SERF2: variants seen among roughly 807,000 people sequenced by gnomAD.
SERF2 encodes the protein small EDRK-rich factor 2, also known as gastric cancer-related protein VRG107.
In SERF2, 4 loss-of-function variants were observed where a neutral mutation model predicts 10.7. The ratio of observed to expected loss-of-function variants is 0.37; its 90% confidence interval spans 0.18 to 0.86. The LOEUF (loss-of-function observed/expected upper bound fraction) is 0.86, where lower values mean the gene tolerates loss of function less well. SERF2 is among the 40% of genes least tolerant of loss of function. The pLI is 0.43. For synonymous variants in SERF2, 26 were observed against 26.0 expected (o/e 1.00, Z 0.01); for missense variants, 47 against 79.1 (o/e 0.59, Z 1.54).
chr15:43,777,259 TGAATTTG>T, exon 1 of SERF2: 1 of 454,136 alleles, frequency 2.2e-6, no homozygotes, highest in Admixed American at 2.7e-5. Context: ...CCAGCGACCC[TGAATTTG>T]GAGTTGCTGT....
In SERF2 at chr15:43,794,150, A is replaced by T. The variant is rs935650238; in HGVS notation, c.*377A>T. 5.0e-6 allele frequency: 3 copies of T among 602,880 alleles called. No individual in the cohort carries two copies. In the African/African-American group the frequency reaches 5.6e-5, roughly 11 times the overall value. The allele number at this position is 602,880 out of a possible 1,614,324, so 37.3% of individuals were successfully genotyped here. A position where few individuals can be genotyped will look rare whatever the true frequency, so the allele number is the denominator to read the frequency against. The stretch of plus-strand genomic sequence containing the variant: ...AACTCTTTAGATTCAGATTGTGGGT[A>T]TGTAGACTTAATAAGTGAAACATCA... On this transcript the variant is annotated 3_prime_UTR_variant, in exon 3 of 3. Transcript: ENST00000249786.
rs1300783783 is a variant in SERF2 at position 43,795,119 on chromosome 15, A to G, written c.*1346A>G. 6.2e-7 allele frequency: 1 copy of G among 1,614,086 alleles called. No homozygotes were observed. Among genetic ancestry groups the G allele is most frequent in the East Asian group, 2.2e-5 (1 of 44,892 alleles). On this transcript the variant is annotated 3_prime_UTR_variant, in exon 3 of 3. Coordinates refer to ENST00000249786, the MANE Select transcript of SERF2 (RefSeq NM_001018108.4). Reference sequence around the variant, plus strand: ...AGTGGTGCCAGTAACAGCCCCAGATAGAGGAGTACGCAGGCCCAGCATGAG... The same window carrying G: ...AGTGGTGCCAGTAACAGCCCCAGATGGAGGAGTACGCAGGCCCAGCATGAG...
Position 43,795,238 on chromosome 15 carries a change from G to A in SERF2, c.*1465G>A. 1.2e-6 allele frequency: 2 copies of A among 1,610,118 alleles called. No individual in the cohort carries two copies. The highest frequency in any genetic ancestry group is 1.7e-6 in the Non-Finnish European group (2 of 1,176,418). ...GCTGTGTAACCAAAGGCTCTGGTTA[G>A]AGAATATGAAGGGCCTTAGCTTTTA... On this transcript the variant is annotated 3_prime_UTR_variant, in exon 3 of 3. Coordinates refer to ENST00000249786, the MANE Select transcript of SERF2 (RefSeq NM_001018108.4).
upstream of SERF2, among the ~76,000 whole-genome samples, chr15:43,789,226 A>C (rs2087033132): frequency 6.6e-6 from 1 of 151,968 alleles, no homozygotes; most frequent in Non-Finnish European, 1.5e-5. Flanking sequence ...TTATATTAGC[A>C]GTAGTAACTT....
rs2087188929 is a variant in SERF2, at chr15:43,795,469, A to C, written c.*1696A>C. On this transcript the variant is annotated 3_prime_UTR_variant, in exon 3 of 3. Coordinates refer to ENST00000249786, the MANE Select transcript of SERF2 (RefSeq NM_001018108.4). ...GTGGAAGGCAGAATAGTTGTAGGAA[A>C]GATGCTGGACTTGGACTGGAGGAGC... is the stretch of plus-strand genomic sequence containing the variant. 6.2e-7 allele frequency: 1 copy of C among 1,614,098 alleles called. No homozygotes were observed. Among genetic ancestry groups the C allele is most frequent in the Non-Finnish European group, 8.5e-7 (1 of 1,180,038 alleles).
Position 43,795,667 on chromosome 15 carries a change from G to A in SERF2, c.*1894G>A. On this transcript the variant is annotated 3_prime_UTR_variant, in exon 3 of 3. Transcript: ENST00000249786. ...TCCACAGAGATCTACCACTTCTTAT[G>A]GTTCCTCACTTGGCACTCACCTTTG... is the stretch of plus-strand genomic sequence containing the variant. 2 of 1,613,496 alleles carry A rather than the reference G, an allele frequency of 1.2e-6. No individual in the cohort carries two copies. The highest frequency in any genetic ancestry group is 1.7e-6 in the Non-Finnish European group (2 of 1,179,518).
At chr15:43,785,949 GCCC>G (rs1596034583) in intron 2 of SERF2, among the ~76,000 whole-genome samples, 2 of 151,300 alleles carry the variant, frequency 1.3e-5, no homozygotes, top group East Asian at 2.0e-4. Flanking sequence ...CAAGTGATCT[GCCC>G]GTCTCGGCCT....
upstream of SERF2, among the ~76,000 whole-genome samples, chr15:43,789,448 T>A (rs1203056441): frequency 6.6e-6 from 1 of 152,184 alleles, no homozygotes; most frequent in Non-Finnish European, 1.5e-5. Context: ...ATTTCTCATC[T>A]TTTTGCTTTA....
At chr15:43,789,953 C>T (rs149460283), upstream of SERF2, among the ~76,000 whole-genome samples, 1,843 of 152,098 alleles carry the variant, frequency 0.012, 34 homozygotes, top group African/African-American at 0.042. Context: ...CCAGCCTGAC[C>T]AACATGGTTA....
chr15:43,789,138 G>GA (rs1469928894), upstream of SERF2, among the ~76,000 whole-genome samples: 2 of 145,916 alleles, frequency 1.4e-5, no homozygotes, highest in African/African-American at 5.2e-5. Flanking sequence ...GACAGAGTGA[G>GA]ACTCTGTCTA....
Position 43,793,798 on chromosome 15 carries a change from C to T in SERF2, c.*25C>T. Reference sequence around the variant, plus strand: ...GCTTTGTGGCTTCGTGTCCAACCCTCTTGCCCTTCGCCTGTGTGCCTGGAG... The same window carrying T: ...GCTTTGTGGCTTCGTGTCCAACCCTTTTGCCCTTCGCCTGTGTGCCTGGAG... On this transcript the variant is annotated 3_prime_UTR_variant, in exon 3 of 3. Transcript: ENST00000249786. 1 of 1,614,212 alleles carries T rather than the reference C, an allele frequency of 6.2e-7. No homozygotes were observed. Among genetic ancestry groups the T allele is most frequent in the South Asian group, 1.1e-5 (1 of 91,088 alleles).
chr15:43,782,746 T>G (rs2086974275), intron 1 of SERF2, among the ~76,000 whole-genome samples: 1 of 152,178 alleles, frequency 6.6e-6, no homozygotes. Context: ...CTCATTTTGG[T>G]GCAAAGCCTC....
chr15:43,790,415 A>C (rs1645451571), upstream of SERF2, among the ~76,000 whole-genome samples: 1 of 152,070 alleles, frequency 6.6e-6, no homozygotes, highest in South Asian at 2.1e-4. Context: ...AGTGTGAGAG[A>C]GCTTTTTTCT....
Position 43,792,322 on chromosome 15 carries a change from C to A in SERF2, c.-55C>A. ...TTGCCAGAAGGGGCGGGACCTGCAACGTCCGACAGAACGAGGGGACGTAAC... is the reference window on the plus strand; with the variant it reads ...TTGCCAGAAGGGGCGGGACCTGCAAAGTCCGACAGAACGAGGGGACGTAAC... On this transcript the variant is annotated 5_prime_UTR_variant, in exon 1 of 3. Transcript: ENST00000249786. The A allele has an allele frequency of 6.8e-7, 1 of 1,464,064 alleles. No homozygotes were observed. Among genetic ancestry groups the A allele is most frequent in the Non-Finnish European group, 9.6e-7 (1 of 1,043,156 alleles). 90.7% of individuals were successfully genotyped at this position (1,464,064 alleles called of 1,614,324 possible).
chr15:43,794,249 C>T lies in SERF2; in HGVS notation c.*476C>T, dbSNP rs143742358. Reference sequence around the variant, plus strand: ...ATGCAGTAGAGGAATCCTCTAAGAACCATAGAGACTTCTTTTCTGTGATTT... The same window carrying T: ...ATGCAGTAGAGGAATCCTCTAAGAATCATAGAGACTTCTTTTCTGTGATTT... On this transcript the variant is annotated 3_prime_UTR_variant, in exon 3 of 3. Coordinates refer to ENST00000249786, the MANE Select transcript of SERF2 (RefSeq NM_001018108.4). 2,559 of 388,790 alleles carry T rather than the reference C, an allele frequency of 6.6e-3. 161 individuals carry two copies. In the Admixed American group the frequency reaches 0.093, roughly 14 times the overall value. 24.1% of individuals were successfully genotyped at this position (388,790 alleles called of 1,614,324 possible). A position where few individuals can be genotyped will look rare whatever the true frequency, so the allele number is the denominator to read the frequency against.
intron 1 of SERF2, among the ~76,000 whole-genome samples, chr15:43,779,660 T>C (rs2086950069): frequency 6.6e-6 from 1 of 151,954 alleles, no homozygotes; most frequent in African/African-American, 2.4e-5. Flanking sequence ...CCTAGCAATT[T>C]TTTAAATTTT....
In SERF2 at chr15:43,795,380, C is replaced by T; in HGVS notation, c.*1607C>T. ...TCAGGAGAGTATCTAAGGCCCACTCCATCTTACCTGAACCAGTTGGTAAGG... is the reference window on the plus strand; with the variant it reads ...TCAGGAGAGTATCTAAGGCCCACTCTATCTTACCTGAACCAGTTGGTAAGG... On this transcript the variant is annotated 3_prime_UTR_variant, in exon 3 of 3. Transcript: ENST00000249786. The T allele has an allele frequency of 4.3e-6, 7 of 1,614,122 alleles. No homozygotes were observed. The highest frequency in any genetic ancestry group is 5.1e-6 in the Non-Finnish European group (6 of 1,179,974).
chr15:43,794,024 T>C lies in SERF2; in HGVS notation c.*251T>C. On this transcript the variant is annotated 3_prime_UTR_variant, in exon 3 of 3. Coordinates refer to ENST00000249786, the MANE Select transcript of SERF2 (RefSeq NM_001018108.4). ...TATTCCTGTGGGGCTCACCCCAAAG[T>C]ATTAAAAGTAGCTTTGTAATTCCTT... 4 of 1,426,070 alleles carry C rather than the reference T, an allele frequency of 2.8e-6. No homozygotes were observed. Among genetic ancestry groups the C allele is most frequent in the Non-Finnish European group, 3.7e-6 (4 of 1,084,522 alleles). 88.3% of individuals were successfully genotyped at this position (1,426,070 alleles called of 1,614,324 possible).
In SERF2 at chr15:43,781,418, G is replaced by A. The variant is rs183543220; in HGVS notation, c.-527+3916G>A. Among the ~76,000 whole-genome samples, 347 of 151,882 alleles carry A rather than the reference G, an allele frequency of 2.3e-3. 6 individuals are homozygous for A. Among genetic ancestry groups the A allele is most frequent in the Admixed American group, 0.021 (314 of 15,232 alleles). On this transcript the variant is annotated intron_variant, in intron 1 of 4. Transcript: ENST00000381359. Reference sequence around the variant, plus strand: ...AAAAACACAAAAATTAGCTGGGAGCGGTGACTAATTTTAGTCCCAGCTACT... The same window carrying A: ...AAAAACACAAAAATTAGCTGGGAGCAGTGACTAATTTTAGTCCCAGCTACT...
Sources: gnomAD v4.1 joint callset for allele counts (sites outside exome capture counted in the v4.1 genomes callset) on GRCh38, gnomAD v4.1.1 for gene constraint, MANE v1.5 for transcripts, NCBI Gene and HGNC (gene_info 2026-07-23, HGNC 2026-07-21) for gene names.